PDE7B: variants seen among roughly 807,000 people sequenced by gnomAD.
The protein encoded by PDE7B is phosphodiesterase 7B.
Under a neutral mutation model 56.2 loss-of-function variants are expected in PDE7B, and 29 were observed. That is an observed-to-expected ratio of 0.52 (90% confidence interval 0.38 to 0.70). The LOEUF is 0.70. Ranked by LOEUF, PDE7B falls within the 30% of genes least tolerant of loss-of-function variation. The pLI is 0.00. For missense variants in PDE7B, 490 were observed against 565.0 expected (o/e 0.87, Z 1.35); for synonymous variants, 197 against 196.9 (o/e 1.00, Z 0.00).
At position 136,073,976 on chromosome 6, in the gene PDE7B, C is replaced by T. The variant is rs545047328; in HGVS notation, c.83-34755C>T. On this transcript the variant is annotated intron_variant, in intron 2 of 12. Transcript: ENST00000308191. ...TTCTTTCCAATAGAAATAATTCCTTCGTGGAGAATTTATGCCTATCTCGTT... is the reference window on the plus strand; with the variant it reads ...TTCTTTCCAATAGAAATAATTCCTTTGTGGAGAATTTATGCCTATCTCGTT... Among the ~76,000 whole-genome samples, 400 of 152,168 alleles carry T rather than the reference C, an allele frequency of 2.6e-3. 2 individuals are homozygous for T. Among genetic ancestry groups the T allele is most frequent in the African/African-American group, 9.2e-3 (384 of 41,546 alleles).
At chr6:136,091,064 G>T (rs949942565) in intron 2 of PDE7B, among the ~76,000 whole-genome samples, 1 of 152,154 alleles carries the variant, frequency 6.6e-6, no homozygotes. Flanking sequence ...ATTTGCTTTT[G>T]CCTCATGTGT....
chr6:135,881,876 T>TA (rs1014992916), intron 1 of PDE7B, among the ~76,000 whole-genome samples: 85 of 151,380 alleles, frequency 5.6e-4, no homozygotes, highest in African/African-American at 1.6e-3. Context: ...ACACATTATT[T>TA]AAAAAAAAAC....
rs112349990 is a variant in PDE7B, at chr6:136,160,227, G to A, written c.711+4469G>A. Among the ~76,000 whole-genome samples the A allele has an allele frequency of 7.8e-4, 118 of 152,200 alleles. 1 individual carries two copies. The highest frequency in any genetic ancestry group is 2.3e-3 in the African/African-American group (96 of 41,536). ...CAGGATAATGTGAAATTACTGAACC[G>A]ATACTTCTTAAAGATAGACAGACAT... is the stretch of plus-strand genomic sequence containing the variant. On this transcript the variant is annotated intron_variant, in intron 8 of 12. Transcript: ENST00000308191.
intron 1 of PDE7B, among the ~76,000 whole-genome samples, chr6:135,890,438 T>C (rs1003265512): frequency 2.0e-5 from 3 of 152,184 alleles, no homozygotes; most frequent in Non-Finnish European, 2.9e-5. Flanking sequence ...CTCCGGTGAA[T>C]GTAAATCATT....
intron 1 of PDE7B, among the ~76,000 whole-genome samples, chr6:135,907,281 A>G (rs1776132760): frequency 6.6e-6 from 1 of 152,130 alleles, no homozygotes; most frequent in African/African-American, 2.4e-5. Flanking sequence ...CTTTGAGACT[A>G]CCTTCCATTT....
chr6:135,966,748 T>G (rs986933053), intron 2 of PDE7B, among the ~76,000 whole-genome samples: 1 of 152,108 alleles, frequency 6.6e-6, no homozygotes, highest in Non-Finnish European at 1.5e-5. Flanking sequence ...CCCTTTAATT[T>G]TACCTCCAAG....
chr6:135,909,044 A>T (rs1383615934), intron 1 of PDE7B, among the ~76,000 whole-genome samples: 1 of 152,176 alleles, frequency 6.6e-6, no homozygotes, highest in African/African-American at 2.4e-5. Context: ...TGAACTTTGG[A>T]TCTTATGTTA....
At chr6:136,033,006 T>C (rs184520692) in intron 2 of PDE7B, among the ~76,000 whole-genome samples, 17 of 152,344 alleles carry the variant, frequency 1.1e-4, no homozygotes, top group African/African-American at 4.1e-4. Context: ...GTAGCTGTTT[T>C]CTAAGAAGTT....
chr6:136,074,243 A>AT (rs1454879140), intron 2 of PDE7B, among the ~76,000 whole-genome samples: 2 of 144,214 alleles, frequency 1.4e-5, no homozygotes, highest in African/African-American at 2.6e-5. Context: ...AAAAAAAAAA[A>AT]GGCGGGGGGG....
At chr6:136,150,883 C>A (rs975908647) in intron 5 of PDE7B, among the ~76,000 whole-genome samples, 5 of 107,206 alleles carry the variant, frequency 4.7e-5, no homozygotes, top group Non-Finnish European at 1.0e-4. Context: ...GTGTATGTAT[C>A]CCTGACACCT....
At chr6:136,157,714 C>A (rs952880481) in intron 8 of PDE7B, among the ~76,000 whole-genome samples, 2 of 151,644 alleles carry the variant, frequency 1.3e-5, no homozygotes, top group East Asian at 3.8e-4. Flanking sequence ...ATAGTTGCAG[C>A]GGGAAAAAAA....
At chr6:135,977,238 G>A (rs1174475648) in intron 2 of PDE7B, among the ~76,000 whole-genome samples, 7 of 152,110 alleles carry the variant, frequency 4.6e-5, no homozygotes, top group Non-Finnish European at 8.8e-5. Context: ...GGCTGAGGGC[G>A]CTAATGATGT....
intron 1 of PDE7B, among the ~76,000 whole-genome samples, chr6:135,944,993 G>C (rs1386161174): frequency 2.6e-5 from 4 of 152,152 alleles, no homozygotes; most frequent in Non-Finnish European, 2.9e-5. Flanking sequence ...GAGCTTCCTA[G>C]CACTTTGTTT....
intron 2 of PDE7B, among the ~76,000 whole-genome samples, chr6:136,007,487 CA>C (rs1775808374): frequency 6.6e-6 from 1 of 151,946 alleles, no homozygotes; most frequent in Admixed American, 6.6e-5. Flanking sequence ...GTATAACATA[CA>C]GGAAGGAACT....
At position 136,097,079 on chromosome 6, in the gene PDE7B, A is replaced by G. The variant is rs943085805; in HGVS notation, c.83-11652A>G. The stretch of plus-strand genomic sequence containing the variant: ...TCCTTTACAGACTCCTCCTCCTCCA[A>G]CAAGTGATTAAATGTTACAGATACT... On this transcript the variant is annotated intron_variant, in intron 2 of 12. Transcript: ENST00000308191. 5.0e-5 allele frequency among the ~76,000 whole-genome samples: 7 copies of G among 139,830 alleles called. 1 individual carries two copies. The highest frequency in any genetic ancestry group is 2.1e-4 in the Admixed American group (3 of 14,584). 91.7% of individuals were successfully genotyped at this position (139,830 alleles called of 152,430 possible). A position where few individuals can be genotyped will look rare whatever the true frequency, so the allele number is the denominator to read the frequency against.
In PDE7B at chr6:135,855,276, A is replaced by G. The variant is rs183284970; in HGVS notation, c.21+3257A>G. ...CCTTTATTCCAAAAATCATTACTAC[A>G]TGTTTTCAGGATGTCAAGGGCTGTG... On this transcript the variant is annotated intron_variant, in intron 1 of 12. Coordinates refer to ENST00000308191, the MANE Select transcript of PDE7B (RefSeq NM_018945.4). Among the ~76,000 whole-genome samples, 279 of 152,322 alleles carry G rather than the reference A, an allele frequency of 1.8e-3. 2 individuals are homozygous for G. Among genetic ancestry groups the G allele is most frequent in the African/African-American group, 6.4e-3 (266 of 41,584 alleles).
At chr6:135,928,508 TA>T (rs1774238485) in intron 1 of PDE7B, among the ~76,000 whole-genome samples, 1 of 132,900 alleles carries the variant, frequency 7.5e-6, no homozygotes, top group Non-Finnish European at 1.6e-5. Flanking sequence ...TATTTATATA[TA>T]TATATTTATT....
intron 3 of PDE7B, among the ~76,000 whole-genome samples, chr6:136,133,641 C>CT (rs371668401): frequency 6.6e-6 from 1 of 152,068 alleles, no homozygotes; most frequent in Admixed American, 6.6e-5. Flanking sequence ...CAGTAAACAC[C>CT]TTTTCGGTAA....
intron 2 of PDE7B, among the ~76,000 whole-genome samples, chr6:136,063,633 C>T (rs1018068767): frequency 5.9e-5 from 9 of 152,330 alleles, no homozygotes; most frequent in East Asian, 1.9e-4. Context: ...TCCCAGCTAA[C>T]TTAGCATCCA....
Sources: allele counts gnomAD v4.1 joint callset (sites outside exome capture counted in the v4.1 genomes callset), GRCh38; gene constraint gnomAD v4.1.1; transcripts MANE v1.5; gene names NCBI Gene and HGNC (gene_info 2026-07-23, HGNC 2026-07-21).